Variants in SMG6 observed in about 807,000 individuals in gnomAD.
The protein encoded by SMG6 is SMG6 nonsense mediated mRNA decay factor.
Under a neutral mutation model 142.2 loss-of-function variants are expected in SMG6, and 66 were observed. The ratio of observed to expected loss-of-function variants is 0.46; its 90% CI spans 0.38 to 0.57. The LOEUF is 0.57. Ranked by LOEUF, SMG6 falls within the 20% of genes least tolerant of loss-of-function variation. The probability of loss-of-function intolerance (pLI) is 0.00; values close to 1 mark genes in which losing one functional copy is unlikely to be tolerated. For synonymous variants in SMG6, 779 were observed against 702.4 expected (o/e 1.11, Z -1.72); for missense variants, 1,793 against 1,832.0 (o/e 0.98, Z 0.39).
rs2069378965 is a variant in SMG6, at chr17:2,112,779, A to G, written c.3358-26878T>C. On this transcript the variant is annotated intron_variant, in intron 13 of 18. Transcript: ENST00000263073. ...ACTTTTTTTTTTTTTTTTTTTTGAGACAGACTCTCACTCCGCCACCCAGGC... is the reference window on the plus strand; with the variant it reads ...ACTTTTTTTTTTTTTTTTTTTTGAGGCAGACTCTCACTCCGCCACCCAGGC... 2.1e-5 allele frequency among the ~76,000 whole-genome samples: 3 copies of G among 142,700 alleles called. No individual in the cohort carries two copies. In the South Asian group the frequency reaches 6.6e-4, roughly 31 times the overall value. 93.6% of individuals were successfully genotyped at this position (142,700 alleles called of 152,430 possible).
In SMG6 at chr17:2,303,772, C is replaced by T; in HGVS notation, c.-52G>A. 4 of 1,440,784 alleles carry T rather than the reference C, an allele frequency of 2.8e-6. No homozygotes were observed. Among genetic ancestry groups the T allele is most frequent in the Non-Finnish European group, 3.7e-6 (4 of 1,086,290 alleles). 89.2% of individuals were successfully genotyped at this position (1,440,784 alleles called of 1,614,324 possible). A position where few individuals can be genotyped will look rare whatever the true frequency, so the allele number is the denominator to read the frequency against. Reference sequence around the variant, plus strand: ...CGGCTCCGCCACCGCCGCGCGCAGCCAGGAAACCACCACAGACGGGCGGCG... The same window carrying T: ...CGGCTCCGCCACCGCCGCGCGCAGCTAGGAAACCACCACAGACGGGCGGCG... On this transcript the variant is annotated 5_prime_UTR_variant, in exon 1 of 19. Transcript: ENST00000263073.
chr17:2,268,351 T>C (rs868501278), intron 8 of SMG6, among the ~76,000 whole-genome samples: 1 of 152,228 alleles, frequency 6.6e-6, no homozygotes. Context: ...TGCTCTGATC[T>C]ATAATTGTTT....
At chr17:2,303,114 G>T (rs559152522) in intron 1 of SMG6, 1 of 985,454 alleles carries the variant, frequency 1.0e-6, no homozygotes, top group Non-Finnish European at 1.2e-6. Flanking sequence ...CGAGTAGTCT[G>T]AGGTCCCGGA....
At chr17:2,167,157 G>C (rs1237986868) in intron 13 of SMG6, among the ~76,000 whole-genome samples, 3 of 73,644 alleles carry the variant, frequency 4.1e-5, no homozygotes, top group Non-Finnish European at 8.3e-5. Flanking sequence ...AAAAAAAAAA[G>C]ATATAAAGGG....
chr17:2,209,731 C>A (rs1415079243), intron 10 of SMG6, among the ~76,000 whole-genome samples: 1 of 152,160 alleles, frequency 6.6e-6, no homozygotes, highest in Non-Finnish European at 1.5e-5. Flanking sequence ...GAACTCCTGA[C>A]CTTAATGACC....
Position 2,265,619 on chromosome 17 carries a change from C to A in SMG6, c.2661+17028G>T, listed in dbSNP as rs978772677. 2.1e-4 allele frequency among the ~76,000 whole-genome samples: 32 copies of A among 152,174 alleles called. 2 individuals carry two copies. Among genetic ancestry groups the A allele is most frequent in the South Asian group, 2.1e-4 (1 of 4,838 alleles). ...CATTCACCTCTCCCAGCTTTTACAG[C>A]AGTGGTAAATTTTTTCTGTAAAAGG... On this transcript the variant is annotated intron_variant, in intron 8 of 18. Coordinates refer to ENST00000263073, the MANE Select transcript of SMG6 (RefSeq NM_017575.5).
intron 8 of SMG6, among the ~76,000 whole-genome samples, chr17:2,271,116 G>GTT (rs542881081): frequency 2.9e-4 from 38 of 132,214 alleles, no homozygotes; most frequent in African/African-American, 7.6e-4. Flanking sequence ...TTTTTTTCTG[G>GTT]TTTTTTTTTT....
chr17:2,219,633 T>G (rs542348868), intron 10 of SMG6, among the ~76,000 whole-genome samples: 2 of 151,550 alleles, frequency 1.3e-5, no homozygotes, highest in East Asian at 3.9e-4. Context: ...TGCAAAATAT[T>G]TGAAAATCAG....
chr17:2,097,297 G>C (rs62067977), intron 13 of SMG6, among the ~76,000 whole-genome samples: 4,529 of 152,076 alleles, frequency 0.03, 81 homozygotes, highest in Middle Eastern at 0.044. Context: ...TGGGACCACA[G>C]GTGCGAGCCA....
chr17:2,242,717 AGAATAAG>A (rs2073840216), intron 9 of SMG6, among the ~76,000 whole-genome samples: 1 of 121,456 alleles, frequency 8.2e-6, no homozygotes, highest in African/African-American at 2.9e-5. Context: ...AAAAAAAAAA[AGAATAAG>A]AAAGAAGCAG....
At chr17:2,086,547 T>G (rs1489987009) in intron 13 of SMG6, among the ~76,000 whole-genome samples, 1 of 152,150 alleles carries the variant, frequency 6.6e-6, no homozygotes, top group Non-Finnish European at 1.5e-5. Context: ...AAAGCTATAC[T>G]CTTTCTGACG....
Position 2,087,325 on chromosome 17 carries a change from C to T in SMG6, c.3358-1424G>A, listed in dbSNP as rs1049220692. The T allele has an allele frequency of 6.6e-6, 8 of 1,218,822 alleles. No individual in the cohort carries two copies. In the African/African-American group the frequency reaches 7.9e-5, roughly 12 times the overall value. The allele number at this position is 1,218,822 out of a possible 1,614,324, so 75.5% of individuals were successfully genotyped here. ...TAAGACAGTGGAAATAAATGAGCAC[C>T]GCTGTGCAGGCTGGCTGCCCAGGAA... On this transcript the variant is annotated intron_variant, in intron 13 of 18. Coordinates refer to ENST00000263073, the MANE Select transcript of SMG6 (RefSeq NM_017575.5).
chr17:2,207,442 G>A (rs1275640358), intron 10 of SMG6, among the ~76,000 whole-genome samples: 1 of 152,054 alleles, frequency 6.6e-6, no homozygotes, highest in African/African-American at 2.4e-5. Context: ...TCTGACTAAG[G>A]GTCAGAGAAA....
At chr17:2,224,705 A>C (rs1167037936) in intron 10 of SMG6, among the ~76,000 whole-genome samples, 1 of 152,078 alleles carries the variant, frequency 6.6e-6, no homozygotes, top group Non-Finnish European at 1.5e-5. Flanking sequence ...AGTTTTCCAA[A>C]ACTGATAGGA....
intron 13 of SMG6, among the ~76,000 whole-genome samples, chr17:2,113,156 C>T (rs1046858084): frequency 4.6e-5 from 7 of 152,126 alleles, no homozygotes; most frequent in Admixed American, 4.6e-4. Flanking sequence ...CTCCCAGCCT[C>T]CCAGGCTCCA....
intron 10 of SMG6, among the ~76,000 whole-genome samples, chr17:2,203,881 T>C (rs900295383): frequency 2.0e-5 from 3 of 152,180 alleles, no homozygotes; most frequent in African/African-American, 4.8e-5. Flanking sequence ...AGAAACTCCA[T>C]TGACAGGGCA....
chr17:2,283,971 A>G (rs1324636230), intron 6 of SMG6, among the ~76,000 whole-genome samples: 5 of 152,236 alleles, frequency 3.3e-5, no homozygotes, highest in South Asian at 2.1e-4. Context: ...CCAAGTACTC[A>G]TAAGGAGAGA....
rs980059099 is a variant in SMG6 at position 2,260,991 on chromosome 17, A to C, written c.2662-16272T>G. Among the ~76,000 whole-genome samples, 4 of 143,974 alleles carry C rather than the reference A, an allele frequency of 2.8e-5. No homozygotes were observed. The Admixed American group carries it at 2.8e-4, about 10-fold the overall frequency. 94.5% of individuals were successfully genotyped at this position (143,974 alleles called of 152,430 possible). A position where few individuals can be genotyped will look rare whatever the true frequency, so the allele number is the denominator to read the frequency against. ...AGCCTGGGCAACAGGGCAAGACTCT[A>C]TCTCAAAAATATATTTAAGAAAAAA... On this transcript the variant is annotated intron_variant, in intron 8 of 18. Transcript: ENST00000263073.
intron 4 of SMG6, among the ~76,000 whole-genome samples, chr17:2,297,010 G>GAAAAA (rs374673133): frequency 4.9e-5 from 3 of 61,002 alleles, no homozygotes; most frequent in Admixed American, 1.7e-4. Flanking sequence ...CTCAAAAAAT[G>GAAAAA]AAAAAAAAAA....
Sources: gnomAD v4.1 joint callset for allele counts (sites outside exome capture counted in the v4.1 genomes callset) on GRCh38, gnomAD v4.1.1 for gene constraint, MANE v1.5 for transcripts, NCBI Gene and HGNC (gene_info 2026-07-23, HGNC 2026-07-21) for gene names.